FAM114A2: variants seen among roughly 807,000 people sequenced by gnomAD.
FAM114A2 encodes protein FAM114A2.
FAM114A2 carries 53 observed loss-of-function variants against 58.4 expected under a neutral mutation model. That is an observed-to-expected ratio of 0.91 (90% confidence interval 0.73 to 1.14). FAM114A2 has a LOEUF of 1.14. FAM114A2 is among the 50% of genes most tolerant of loss of function. The pLI, the probability that FAM114A2 is intolerant of heterozygous loss-of-function variation, is 0.00. For synonymous variants in FAM114A2, 228 were observed against 211.4 expected, an observed-to-expected ratio of 1.08 and a Z score of -0.68; for missense variants, 601 against 581.1, an observed-to-expected ratio of 1.03 and a Z score of -0.35.
chr5:153,995,714 T>C (rs924207014), intron 12 of FAM114A2, among the ~76,000 whole-genome samples: 1 of 152,214 alleles, frequency 6.6e-6, no homozygotes, highest in Non-Finnish European at 1.5e-5. Flanking sequence ...TTGTTTAAAA[T>C]GCTCTTGATT....
At chr5:154,003,399 G>A (rs1032749383) in intron 9 of FAM114A2, among the ~76,000 whole-genome samples, 1 of 151,904 alleles carries the variant, frequency 6.6e-6, no homozygotes, top group African/African-American at 2.4e-5. Context: ...AGCTGGTCTC[G>A]AACTCCTGAC....
In FAM114A2 at chr5:154,026,423, CA is replaced by C; in HGVS notation, c.888del (p.Cys296TrpfsTer18). On this transcript the variant is annotated frameshift_variant, in exon 8 of 14. Coordinates refer to ENST00000351797, the MANE Select transcript of FAM114A2 (RefSeq NM_018691.4). LOFTEE classifies it high-confidence loss of function. ...LKETFSLAEF[C>X]EEEEEEKKGD... Reference sequence around the variant, plus strand: ...CCTTTTTTCTCTTCTTCCTCTTCTTCACAAAATTCTGCTAGAGAAAATGTTT... The same window carrying C: ...CCTTTTTTCTCTTCTTCCTCTTCTTCCAAAATTCTGCTAGAGAAAATGTTT... The C allele has an allele frequency of 6.3e-7, 1 of 1,579,578 alleles. No individual in the cohort carries two copies. Among genetic ancestry groups the C allele is most frequent in the Non-Finnish European group, 8.6e-7 (1 of 1,166,082 alleles).
intron 12 of FAM114A2, 122 bp downstream of exon 12, chr5:153,997,681 T>C (rs1009707224): frequency 1.1e-5 from 7 of 665,322 alleles, no homozygotes; most frequent in African/African-American, 3.7e-5. Flanking sequence ...CGCGCAACTC[T>C]GTAAATATAC....
In FAM114A2 at chr5:154,027,290, A is replaced by T; in HGVS notation, c.675T>A (p.Asn225Lys). Residue 225 changes from asparagine to lysine, a missense_variant, in exon 7 of 14, where the codon AAT becomes AAA. Physicochemically the swap from Asn to Lys is moderately conservative, Grantham distance 94. Transcript: ENST00000351797. The part of the protein sequence containing the change: ...AKEKEEIRTS[N>K]EVTVETDKKT... ...TCTTGTCTGTTTCCACGGTAACCTC[A>T]TTGGAGGTCCGTATCTCTTCTTTCT... 7 of 1,613,202 alleles carry T rather than the reference A, an allele frequency of 4.3e-6. No individual in the cohort carries two copies. Among genetic ancestry groups the T allele is most frequent in the Non-Finnish European group, 5.9e-6 (7 of 1,179,426 alleles).
intron 9 of FAM114A2, among the ~76,000 whole-genome samples, chr5:154,007,310 A>G (rs1168134705): frequency 6.6e-6 from 1 of 152,198 alleles, no homozygotes; most frequent in Non-Finnish European, 1.5e-5. Context: ...TGGCTTCTCC[A>G]AAAGCTTATT....
intron 8 of FAM114A2, among the ~76,000 whole-genome samples, chr5:154,020,645 CAAT>C (rs1037805477): frequency 6.6e-6 from 1 of 152,048 alleles, no homozygotes; most frequent in African/African-American, 2.4e-5. Context: ...GAAATTAAAG[CAAT>C]AATTAATAGC....
At chr5:154,021,293 C>T (rs960690113) in intron 8 of FAM114A2, among the ~76,000 whole-genome samples, 1 of 152,066 alleles carries the variant, frequency 6.6e-6, no homozygotes, top group Admixed American at 6.5e-5. Flanking sequence ...GAAGTTCTGG[C>T]CAGGGCACTC....
rs868220465 is a variant in FAM114A2 at position 154,038,885 on chromosome 5, A to T, written c.-43T>A. 1.6e-4 allele frequency: 25 copies of T among 152,586 alleles called. No individual in the cohort carries two copies. Among genetic ancestry groups the T allele is most frequent in the African/African-American group, 5.8e-4 (24 of 41,582 alleles). 9.5% of individuals were successfully genotyped at this position (152,586 alleles called of 1,614,324 possible). A position where few individuals can be genotyped will look rare whatever the true frequency, so the allele number is the denominator to read the frequency against. Reference sequence around the variant, plus strand: ...TCCGGCCGCCACCCTCAGCACAGCCACGGCAGCCGACTCGGCGTTCCTACT... The same window carrying T: ...TCCGGCCGCCACCCTCAGCACAGCCTCGGCAGCCGACTCGGCGTTCCTACT... On this transcript the variant is annotated 5_prime_UTR_variant, in exon 1 of 14. Transcript: ENST00000351797.
chr5:154,015,551 T>C (rs541652088), intron 8 of FAM114A2, among the ~76,000 whole-genome samples: 106 of 152,100 alleles, frequency 7.0e-4, no homozygotes, highest in African/African-American at 2.4e-3. Flanking sequence ...TCTCAGGAAG[T>C]CACATCCTTA....
intron 8 of FAM114A2, among the ~76,000 whole-genome samples, chr5:154,017,079 C>T (rs949472220): frequency 6.6e-6 from 1 of 152,204 alleles, no homozygotes; most frequent in Non-Finnish European, 1.5e-5. Flanking sequence ...AGGAATATAT[C>T]ACAATCCTAA....
Position 154,034,915 on chromosome 5 carries a change from A to C in FAM114A2, c.39T>G (p.Thr13=). 6.2e-7 allele frequency: 1 copy of C among 1,614,058 alleles called. No individual in the cohort carries two copies. Among genetic ancestry groups the C allele is most frequent in the South Asian group, 1.1e-5 (1 of 91,084 alleles). Residue 13 remains threonine (T), a synonymous_variant, in exon 2 of 14, where the codon ACT becomes ACG. Coordinates refer to ENST00000351797, the MANE Select transcript of FAM114A2 (RefSeq NM_018691.4). Reference sequence around the variant, plus strand: ...CATCTTCAAGGATGGGGGCTGCTTCAGTTAGCAGTGGAGTCTCAATATCAT... The same window carrying C: ...CATCTTCAAGGATGGGGGCTGCTTCCGTTAGCAGTGGAGTCTCAATATCAT... The part of the protein sequence containing the change: ...DKDDIETPLL[T]EAAPILEDGN...
intron 1 of FAM114A2, chr5:154,036,346 G>C (rs1772556034): frequency 6.6e-6 from 1 of 152,070 alleles, no homozygotes; most frequent in African/African-American, 2.4e-5. Context: ...TCCAGATGTA[G>C]AGCTCTTTGG....
chr5:154,016,756 A>G (rs1771066076), intron 8 of FAM114A2, among the ~76,000 whole-genome samples: 1 of 152,206 alleles, frequency 6.6e-6, no homozygotes, highest in Non-Finnish European at 1.5e-5. Context: ...AACACAGCAC[A>G]ATGAATGGAA....
chr5:154,034,849 T>G lies in FAM114A2; in HGVS notation c.105A>C (p.Gln35His). The G allele has an allele frequency of 6.2e-7, 1 of 1,614,058 alleles. No individual in the cohort carries two copies. Among genetic ancestry groups the G allele is most frequent in the Non-Finnish European group, 8.5e-7 (1 of 1,179,914 alleles). ...EPAKNSESVD[Q>H]GAKPESKSEP... ...CTGATTTACTCTCTGGTTTGGCACCTTGGTCAACAGACTCAGAATTCTTGG... is the reference window on the plus strand; with the variant it reads ...CTGATTTACTCTCTGGTTTGGCACCGTGGTCAACAGACTCAGAATTCTTGG... Residue 35 changes from glutamine to histidine, a missense_variant, in exon 2 of 14, where the codon CAA (glutamine) becomes CAC (histidine). By Grantham distance (24) the Gln-to-His change is conservative (BLOSUM62 0). Transcript: ENST00000351797.
chr5:154,032,590 G>C lies in FAM114A2; in HGVS notation c.403+1201C>G, dbSNP rs545391388. On this transcript the variant is annotated intron_variant, in intron 4 of 13. Coordinates refer to ENST00000351797, the MANE Select transcript of FAM114A2 (RefSeq NM_018691.4). ...ATCAAGAACATGAGATCCTGTTCTA[G>C]GCAATGGCATTGGAGAAGAAACATG... Among the ~76,000 whole-genome samples the C allele has an allele frequency of 2.6e-5, 4 of 152,218 alleles. 1 individual carries two copies. The South Asian group carries it at 8.3e-4, about 32-fold the overall frequency.
chr5:154,003,414 G>A (rs1770139548), intron 9 of FAM114A2, among the ~76,000 whole-genome samples: 1 of 151,938 alleles, frequency 6.6e-6, no homozygotes. Flanking sequence ...CCTGACCTCA[G>A]GTGATCCCCC....
chr5:154,034,275 T>C lies in FAM114A2; in HGVS notation c.310+3A>G. On this transcript the variant is annotated splice_donor_region_variant and intron_variant, in intron 3 of 13. Coordinates refer to ENST00000351797, the MANE Select transcript of FAM114A2 (RefSeq NM_018691.4). ...AAAATAACTAAATGACTGATGATCT[T>C]ACCTACTGTAGCTACTGTAGCCGAG... 6.5e-7 allele frequency: 1 copy of C among 1,534,560 alleles called. No homozygotes were observed. Among genetic ancestry groups the C allele is most frequent in the Non-Finnish European group, 8.9e-7 (1 of 1,129,186 alleles).
chr5:154,012,159 C>T (rs1432112031), intron 8 of FAM114A2, among the ~76,000 whole-genome samples: 1 of 152,046 alleles, frequency 6.6e-6, no homozygotes. Context: ...AAGGATCAAT[C>T]ATTATGCATC....
At chr5:153,993,209 A>G (rs1769347088) in intron 13 of FAM114A2, 99 bp from the exon 14 acceptor site, 4 of 981,806 alleles carry the variant, frequency 4.1e-6, no homozygotes, top group Non-Finnish European at 5.7e-6. Flanking sequence ...TTTGTAATCT[A>G]ACTGAATTCA....
Sources: gnomAD v4.1 joint callset for allele counts (sites outside exome capture counted in the v4.1 genomes callset) on GRCh38, gnomAD v4.1.1 for gene constraint, MANE v1.5 for transcripts, NCBI Gene and HGNC (gene_info 2026-07-23, HGNC 2026-07-21) for gene names.